Variants in PARD3 observed in about 807,000 individuals in gnomAD.
PARD3 encodes partitioning defective 3 homolog.
A neutral mutation model predicts 155.4 loss-of-function variants in PARD3; 75 were observed. The observed-to-expected ratio is 0.48, with a 90% CI of 0.40 to 0.58. The LOEUF is 0.58. Ranked by LOEUF, PARD3 falls within the 20% of genes least tolerant of loss-of-function variation. The pLI is 0.00. For synonymous variants in PARD3, 576 were observed against 610.5 expected (o/e 0.94, Z 0.83); for missense variants, 1,642 against 1,721.7 (o/e 0.95, Z 0.82).
chr10:34,146,521 A>G (rs1052280616), intron 22 of PARD3, among the ~76,000 whole-genome samples: 3 of 152,192 alleles, frequency 2.0e-5, no homozygotes, highest in Admixed American at 2.0e-4. Flanking sequence ...CGAGTCCTCC[A>G]CACTTTTTCT....
chr10:34,349,371 T>C (rs1837758179), intron 14 of PARD3, among the ~76,000 whole-genome samples: 1 of 152,088 alleles, frequency 6.6e-6, no homozygotes, highest in Non-Finnish European at 1.5e-5. Context: ...TGCAGGAGAA[T>C]AATAAACTTG....
intron 2 of PARD3, among the ~76,000 whole-genome samples, chr10:34,529,055 A>G (rs1322183210): frequency 1.3e-5 from 2 of 152,240 alleles, no homozygotes; most frequent in Admixed American, 1.3e-4. Flanking sequence ...AAAACAAAAG[A>G]TGATGCATTC....
chr10:34,485,923 T>TTG (rs1307750223), intron 3 of PARD3, among the ~76,000 whole-genome samples: 4 of 142,194 alleles, frequency 2.8e-5, no homozygotes, highest in African/African-American at 1.2e-4. Flanking sequence ...TTTGGGTTTT[T>TTG]TTTTTTTTTT....
At chr10:34,293,976 T>G (rs1398700739) in intron 20 of PARD3, among the ~76,000 whole-genome samples, 1 of 152,204 alleles carries the variant, frequency 6.6e-6, no homozygotes, top group Non-Finnish European at 1.5e-5. Flanking sequence ...GCAGTCCCCA[T>G]AAGAAATGCT....
intron 22 of PARD3, among the ~76,000 whole-genome samples, chr10:34,158,666 A>G (rs1315864505): frequency 6.6e-6 from 1 of 152,112 alleles, no homozygotes; most frequent in African/African-American, 2.4e-5. Context: ...TTCTCCTAGA[A>G]CGCTGTCCAA....
intron 2 of PARD3, among the ~76,000 whole-genome samples, chr10:34,663,234 C>A (rs1444191199): frequency 6.6e-6 from 1 of 151,844 alleles, no homozygotes; most frequent in Non-Finnish European, 1.5e-5. Flanking sequence ...AGGGCCAGGG[C>A]GGGTAGATTG....
chr10:34,748,178 C>T (rs1835540513), intron 1 of PARD3, among the ~76,000 whole-genome samples: 1 of 152,170 alleles, frequency 6.6e-6, no homozygotes, highest in African/African-American at 2.4e-5. Context: ...ACTTAGAAAG[C>T]TCTGCTCTTG....
At chr10:34,229,628 C>A (rs972882542) in intron 22 of PARD3, among the ~76,000 whole-genome samples, 1 of 150,990 alleles carries the variant, frequency 6.6e-6, no homozygotes, top group Non-Finnish European at 1.5e-5. Context: ...CTTGTTCATA[C>A]GTCCCATCAT....
chr10:34,680,166 T>C (rs1185270142), intron 2 of PARD3, among the ~76,000 whole-genome samples: 1 of 152,114 alleles, frequency 6.6e-6, no homozygotes, highest in African/African-American at 2.4e-5. Context: ...ATACTATGAA[T>C]ACCTGCAATA....
At chr10:34,737,582 C>T (rs997678233) in intron 1 of PARD3, among the ~76,000 whole-genome samples, 1 of 152,112 alleles carries the variant, frequency 6.6e-6, no homozygotes, top group African/African-American at 2.4e-5. Flanking sequence ...AAACTTAATC[C>T]CCAACGCAAC....
At chr10:34,469,685 G>A (rs957890519) in intron 4 of PARD3, among the ~76,000 whole-genome samples, 4 of 152,088 alleles carry the variant, frequency 2.6e-5, no homozygotes, top group African/African-American at 4.8e-5. Context: ...TTATAAATGT[G>A]TCAAATATCC....
At chr10:34,782,259 T>C (rs960778760) in intron 1 of PARD3, among the ~76,000 whole-genome samples, 4 of 152,178 alleles carry the variant, frequency 2.6e-5, no homozygotes, top group Non-Finnish European at 5.9e-5. Context: ...AAGAGAGCTA[T>C]ACCTGTAAGG....
At chr10:34,316,618 T>C (rs905559222) in intron 20 of PARD3, among the ~76,000 whole-genome samples, 9 of 152,218 alleles carry the variant, frequency 5.9e-5, no homozygotes, top group African/African-American at 9.6e-5. Context: ...TAATGAACCA[T>C]TGTTCACACA....
At chr10:34,613,957 T>C (rs2091083094) in intron 2 of PARD3, among the ~76,000 whole-genome samples, 1 of 152,182 alleles carries the variant, frequency 6.6e-6, no homozygotes, top group African/African-American at 2.4e-5. Context: ...TATAAAACTA[T>C]AGCAAACATT....
At chr10:34,348,186 A>G (rs1299601088) in intron 14 of PARD3, 71 bp from the exon 15 acceptor site, 17 of 1,379,654 alleles carry the variant, frequency 1.2e-5, no homozygotes, top group Admixed American at 2.2e-5. Context: ...TGGGAGAATT[A>G]TAACAACTTG....
chr10:34,810,698 G>C (rs1315174033), intron 1 of PARD3, among the ~76,000 whole-genome samples: 1 of 152,212 alleles, frequency 6.6e-6, no homozygotes, highest in Non-Finnish European at 1.5e-5. Flanking sequence ...ACCTGGGAAA[G>C]TTCCCTGGGT....
At chr10:34,384,764 C>A (rs1207132053) in intron 7 of PARD3, among the ~76,000 whole-genome samples, 2 of 152,168 alleles carry the variant, frequency 1.3e-5, no homozygotes, top group African/African-American at 4.8e-5. Context: ...AAGGAGTTTC[C>A]ATGCTTTGCA....
chr10:34,712,619 T>C (rs142430975), intron 1 of PARD3, among the ~76,000 whole-genome samples: 3 of 152,276 alleles, frequency 2.0e-5, no homozygotes, highest in African/African-American at 7.2e-5. Flanking sequence ...AAATCCACAT[T>C]TTCCCTTTAG....
chr10:34,557,472 T>C (rs1450609534), intron 2 of PARD3, among the ~76,000 whole-genome samples: 3 of 151,694 alleles, frequency 2.0e-5, no homozygotes. Context: ...GTCCCATCCC[T>C]ACTGTTTCGT....
Sources: allele counts gnomAD v4.1 joint callset (sites outside exome capture counted in the v4.1 genomes callset), GRCh38; gene constraint gnomAD v4.1.1; transcripts MANE v1.5; gene names NCBI Gene and HGNC (gene_info 2026-07-23, HGNC 2026-07-21).